The following OPCML variants were observed in gnomAD, a reference collection of about 807,000 sequenced individuals.
OPCML encodes opioid binding protein/cell adhesion molecule like.
In OPCML, 13 loss-of-function variants were observed where a neutral mutation model predicts 37.8. The observed-to-expected ratio is 0.34, with a 90% CI of 0.22 to 0.55. The LOEUF (loss-of-function observed/expected upper bound fraction) is 0.55, where lower values mean the gene tolerates loss of function less well. Among genes scored for constraint, OPCML ranks in the 20% least tolerant of loss-of-function variants. The pLI, the probability that OPCML is intolerant of heterozygous loss-of-function variation, is 0.91. For missense variants in OPCML, 341 were observed against 435.6 expected (o/e 0.78, Z 1.93); for synonymous variants, 176 against 168.8 (o/e 1.04, Z -0.33).
At chr11:133,203,506 C>T (rs1438522838) in intron 1 of OPCML, among the ~76,000 whole-genome samples, 3 of 152,138 alleles carry the variant, frequency 2.0e-5, no homozygotes, top group African/African-American at 7.2e-5. Flanking sequence ...GCCTCGGAGG[C>T]TTTTGACACA....
Position 133,306,265 on chromosome 11 carries a change from C to A in OPCML, c.61+225999G>T, listed in dbSNP as rs185904539. Among the ~76,000 whole-genome samples, 832 of 152,230 alleles carry A rather than the reference C, an allele frequency of 5.5e-3. 7 individuals are homozygous for A. The highest frequency in any genetic ancestry group is 0.018 in the African/African-American group (768 of 41,522). On this transcript the variant is annotated intron_variant, in intron 1 of 7. Transcript: ENST00000524381. The stretch of plus-strand genomic sequence containing the variant: ...ACAGGTGTCTGTGTTTCTGAGTACT[C>A]TGGAAATACCATAATGACGCAGCAA...
chr11:133,013,302 A>C (rs1471085655), intron 1 of OPCML, among the ~76,000 whole-genome samples: 3 of 152,246 alleles, frequency 2.0e-5, no homozygotes, highest in Non-Finnish European at 4.4e-5. Context: ...TATTTCAAAA[A>C]TGAAATGTTT....
At position 132,510,939 on chromosome 11, in the gene OPCML, T is replaced by A. The variant is rs184321853; in HGVS notation, c.505+18122A>T. Among the ~76,000 whole-genome samples, 404 of 152,332 alleles carry A rather than the reference T, an allele frequency of 2.7e-3. 2 individuals carry two copies. The highest frequency in any genetic ancestry group is 4.2e-3 in the Non-Finnish European group (283 of 68,020). On this transcript the variant is annotated intron_variant, in intron 4 of 7. Coordinates refer to ENST00000524381, the MANE Select transcript of OPCML (RefSeq NM_001012393.5). Reference sequence around the variant, plus strand: ...AGACAAGGATGTCAGTATTACAATGTATTTTTAATATCATGTTACTGGAGA... The same window carrying A: ...AGACAAGGATGTCAGTATTACAATGAATTTTTAATATCATGTTACTGGAGA...
intron 1 of OPCML, among the ~76,000 whole-genome samples, chr11:132,998,748 A>G (rs781674521): frequency 1.3e-5 from 2 of 152,144 alleles, no homozygotes; most frequent in African/African-American, 4.8e-5. Context: ...TTCTTATAAA[A>G]GGCCCAAATG....
At chr11:133,005,507 AG>A in intron 1 of OPCML, 4 of 985,368 alleles carry the variant, frequency 4.1e-6, no homozygotes, top group Non-Finnish European at 4.8e-6. Flanking sequence ...TATTTGGTAG[AG>A]TGAGTGCAGC....
At chr11:133,303,682 A>G (rs1450550113) in intron 1 of OPCML, among the ~76,000 whole-genome samples, 1 of 152,194 alleles carries the variant, frequency 6.6e-6, no homozygotes, top group Non-Finnish European at 1.5e-5. Context: ...AGGGTACGTT[A>G]TTGATAAACT....
intron 2 of OPCML, among the ~76,000 whole-genome samples, chr11:132,686,157 G>C (rs926555997): frequency 2.6e-5 from 4 of 152,200 alleles, no homozygotes; most frequent in African/African-American, 9.6e-5. Context: ...TGTCCTTCAG[G>C]TGCTGGCCCC....
At chr11:133,415,473 C>A (rs1462027612) in intron 1 of OPCML, among the ~76,000 whole-genome samples, 1 of 151,766 alleles carries the variant, frequency 6.6e-6, no homozygotes, top group African/African-American at 2.4e-5. Context: ...TGTAATCACT[C>A]TTTTCATGTC....
chr11:133,373,265 T>C (rs1944715260), intron 1 of OPCML, among the ~76,000 whole-genome samples: 1 of 151,636 alleles, frequency 6.6e-6, no homozygotes, highest in Admixed American at 6.6e-5. Context: ...CTGTTCCTTA[T>C]GAAAATAAAG....
At chr11:133,009,283 A>G (rs951794516) in intron 1 of OPCML, 4 of 960,304 alleles carry the variant, frequency 4.2e-6, no homozygotes, top group East Asian at 2.3e-4. Flanking sequence ...GCAATGGTAC[A>G]TATTTGGAAG....
intron 1 of OPCML, among the ~76,000 whole-genome samples, chr11:133,104,684 A>G (rs547058861): frequency 6.6e-6 from 1 of 152,364 alleles, no homozygotes; most frequent in Non-Finnish European, 1.5e-5. Flanking sequence ...ATTTCTGGTG[A>G]AAAGGGCCTA....
At chr11:133,214,843 C>T (rs376953898) in intron 1 of OPCML, among the ~76,000 whole-genome samples, 56 of 152,206 alleles carry the variant, frequency 3.7e-4, no homozygotes, top group African/African-American at 1.3e-3. Context: ...CCCATCCCTA[C>T]GAGCCAATAG....
chr11:133,132,179 T>C (rs1949615184), intron 1 of OPCML, among the ~76,000 whole-genome samples: 1 of 152,170 alleles, frequency 6.6e-6, no homozygotes, highest in Non-Finnish European at 1.5e-5. Context: ...TCTCATAATT[T>C]AACGCTAAGA....
chr11:133,067,719 C>G (rs7934652), intron 1 of OPCML: 66,690 of 151,990 alleles, frequency 0.44, 16,069 homozygotes, highest in African/African-American at 0.62. Context: ...CTTCTTGTTG[C>G]CTCTTTCACT....
chr11:133,261,298 A>G (rs932589800), intron 1 of OPCML, among the ~76,000 whole-genome samples: 4 of 152,190 alleles, frequency 2.6e-5, no homozygotes, highest in Non-Finnish European at 5.9e-5. Flanking sequence ...CTGAGCTATG[A>G]TCTGATTGAC....
At chr11:133,524,037 G>A (rs73029124) in intron 1 of OPCML, among the ~76,000 whole-genome samples, 5,094 of 152,288 alleles carry the variant, frequency 0.033, 90 homozygotes, top group South Asian at 0.09. Context: ...CCTCTGGACT[G>A]TAAGCTTCAT....
rs138286286 is a variant in OPCML, at chr11:133,321,269, C to T, written c.61+210995G>A. On this transcript the variant is annotated intron_variant, in intron 1 of 7. Transcript: ENST00000524381. ...CAGTGCTGGACAGAGTAAGATTCTG[C>T]AAGCTCCTGCTGCCATCAGAAGCTC... Among the ~76,000 whole-genome samples the T allele has an allele frequency of 5.9e-5, 9 of 152,296 alleles. No homozygotes were observed. The East Asian group carries it at 1.7e-3, about 29-fold the overall frequency.
At chr11:132,564,170 T>A (rs2096417014) in intron 3 of OPCML, among the ~76,000 whole-genome samples, 2 of 152,336 alleles carry the variant, frequency 1.3e-5, no homozygotes, top group South Asian at 4.1e-4. Flanking sequence ...CTTGGCCTGG[T>A]CACCCTGGCC....
intron 2 of OPCML, among the ~76,000 whole-genome samples, chr11:132,708,573 C>T (rs931031641): frequency 6.6e-6 from 1 of 152,178 alleles, no homozygotes; most frequent in African/African-American, 2.4e-5. Flanking sequence ...AAGTAGGTAA[C>T]ACAGGTCAAA....
Sources: gnomAD v4.1 joint callset for allele counts (sites outside exome capture counted in the v4.1 genomes callset) on GRCh38, gnomAD v4.1.1 for gene constraint, MANE v1.5 for transcripts, NCBI Gene and HGNC (gene_info 2026-07-23, HGNC 2026-07-21) for gene names.